PRDM15: variants seen among roughly 807,000 people sequenced by gnomAD.
PRDM15 encodes the protein PR/SET domain 15.
In PRDM15, 64 loss-of-function variants were observed where a neutral mutation model predicts 128.6. That is an observed-to-expected ratio of 0.50 (90% CI 0.41 to 0.61). The LOEUF (loss-of-function observed/expected upper bound fraction) is 0.61, where lower values mean the gene tolerates loss of function less well. Among genes scored for constraint, PRDM15 ranks in the 20% least tolerant of loss-of-function variants. PRDM15 has a pLI of 0.00. For synonymous variants in PRDM15, 615 were observed against 621.8 expected, an observed-to-expected ratio of 0.99 and a Z score of 0.16; for missense variants, 1,242 against 1,569.1, an observed-to-expected ratio of 0.79 and a Z score of 3.52.
At chr21:41,822,097 C>T in intron 14 of PRDM15, 60 bp from the exon 15 acceptor site, 1 of 1,606,530 alleles carries the variant, frequency 6.2e-7, no homozygotes. Flanking sequence ...ACTCAGTTAT[C>T]TACACCGCAG....
chr21:41,878,382 G>A (rs2064496831), intron 1 of PRDM15, among the ~76,000 whole-genome samples: 2 of 152,170 alleles, frequency 1.3e-5, no homozygotes, highest in Admixed American at 1.3e-4. Context: ...TACATTAGGG[G>A]GTTAAGAAAG....
At chr21:41,802,292 T>A (rs1239543696) in intron 23 of PRDM15, among the ~76,000 whole-genome samples, 2 of 152,098 alleles carry the variant, frequency 1.3e-5, no homozygotes, top group Non-Finnish European at 2.9e-5. Flanking sequence ...AAGGTTCCAC[T>A]CGAGAAAGTG....
At chr21:41,818,519 T>A (rs528078426) in intron 18 of PRDM15, among the ~76,000 whole-genome samples, 1 of 152,268 alleles carries the variant, frequency 6.6e-6, no homozygotes, top group East Asian at 1.9e-4. Flanking sequence ...GGCAAGAGCC[T>A]GTGCTGGCCT....
chr21:41,824,358 G>A (rs2062392354), intron 13 of PRDM15, among the ~76,000 whole-genome samples: 1 of 152,204 alleles, frequency 6.6e-6, no homozygotes, highest in Non-Finnish European at 1.5e-5. Flanking sequence ...GGAGAGGACA[G>A]AGTCTGCAGA....
At position 41,879,338 on chromosome 21, in the gene PRDM15, C is replaced by G. The variant is rs778869643; in HGVS notation, c.-78G>C. 9.1e-7 allele frequency: 1 copy of G among 1,099,840 alleles called. No individual in the cohort carries two copies. Among genetic ancestry groups the G allele is most frequent in the Non-Finnish European group, 1.1e-6 (1 of 894,352 alleles). The allele number at this position is 1,099,840 out of a possible 1,614,324, so 68.1% of individuals were successfully genotyped here. A position where few individuals can be genotyped will look rare whatever the true frequency, so the allele number is the denominator to read the frequency against. On this transcript the variant is annotated 5_prime_UTR_variant, in exon 1 of 24. Coordinates refer to ENST00000398548, the MANE Select transcript of PRDM15 (RefSeq NM_001040424.3). This position sits in a 1 kb window ranked among gnomAD's most constrained non-coding sequence, Gnocchi z 5.1. ...GTTGCGATCCGCTCCGGAAACTGCG[C>G]AGCACCGGAAGCCGGGGGGCGGCGG...
intron 2 of PRDM15, 48 bp downstream of exon 2, chr21:41,860,279 T>G: frequency 8.6e-6 from 13 of 1,507,092 alleles, no homozygotes; most frequent in Non-Finnish European, 1.2e-5. Flanking sequence ...CTGTGTTCTA[T>G]GACATAGGGC....
chr21:41,807,901 G>C (rs138294314), intron 21 of PRDM15, among the ~76,000 whole-genome samples: 2,077 of 152,268 alleles, frequency 0.014, 26 homozygotes, highest in Non-Finnish European at 0.024. Context: ...TGAGGGGAGT[G>C]GGGATGGGCA....
intron 4 of PRDM15, among the ~76,000 whole-genome samples, chr21:41,855,971 TTCCTTTCCTTCCCTCCCTCCCTCCCC>T (rs2063581451): frequency 4.2e-4 from 2 of 4,764 alleles, no homozygotes. Flanking sequence ...CCTCCCTTCC[TTCCTTTCCTTCCCTCCCTCCCTCCCC>T]TCCCTTCCTT....
chr21:41,831,917 A>G (rs17113948), intron 11 of PRDM15, among the ~76,000 whole-genome samples: 9,751 of 152,288 alleles, frequency 0.064, 385 homozygotes, highest in Middle Eastern at 0.12. Context: ...TGCTACGCTG[A>G]GTCCCAGCCT....
chr21:41,846,704 G>T (rs2063275998), intron 6 of PRDM15, among the ~76,000 whole-genome samples: 1 of 152,222 alleles, frequency 6.6e-6, no homozygotes, highest in African/African-American at 2.4e-5. Context: ...CTCAAAAAAA[G>T]AAAACAGTGT....
chr21:41,861,534 GCC>G, intron 1 of PRDM15: 1 of 1,475,118 alleles, frequency 6.8e-7, no homozygotes, highest in Non-Finnish European at 9.3e-7. Flanking sequence ...TTCCTCCTCT[GCC>G]CCCCCCCAAT....
intron 6 of PRDM15, among the ~76,000 whole-genome samples, chr21:41,842,853 C>T (rs938444722): frequency 4.0e-5 from 6 of 150,002 alleles, no homozygotes; most frequent in Admixed American, 1.3e-4. Flanking sequence ...GGTGCAATCT[C>T]GGCTCACTAC....
chr21:41,823,293 G>GGTGA, intron 14 of PRDM15, 25 bp downstream of exon 14: 1 of 1,604,970 alleles, frequency 6.2e-7, no homozygotes, highest in Non-Finnish European at 8.5e-7. Flanking sequence ...AGCATGCCTG[G>GGTGA]GTGAGGGCAG....
chr21:41,810,157 G>C lies in PRDM15; in HGVS notation c.2649C>G (p.Pro883=). 6.2e-7 allele frequency: 1 copy of C among 1,606,008 alleles called. No individual in the cohort carries two copies. The highest frequency in any genetic ancestry group is 1.1e-5 in the South Asian group (1 of 90,978). Residue 883 remains proline (P), a synonymous_variant, in exon 21 of 24, where the codon CCC becomes CCG. Transcript: ENST00000398548. The surrounding 1 kb of genome is among the most constrained non-coding windows in gnomAD (Gnocchi z 6.4). The part of the protein sequence containing the change: ...SMSRHMRRKH[P]EVLAVRIDDL... ...GGGGGCACAGCCACCAGCTCACCTCGGGGTGCTTGCGCCGCATGTGTCGGC... is the reference window on the plus strand; with the variant it reads ...GGGGGCACAGCCACCAGCTCACCTCCGGGTGCTTGCGCCGCATGTGTCGGC...
chr21:41,866,864 G>A (rs976665708), intron 1 of PRDM15, among the ~76,000 whole-genome samples: 2 of 152,118 alleles, frequency 1.3e-5, no homozygotes, highest in African/African-American at 4.8e-5. Context: ...AGATCCGGCT[G>A]GACCACCTGA....
chr21:41,878,790 C>A, intron 1 of PRDM15: 1 of 1,313,648 alleles, frequency 7.6e-7, no homozygotes, highest in Non-Finnish European at 9.8e-7. Context: ...TAACGACATC[C>A]CCTGGGGCCT....
At chr21:41,823,114 G>C (rs1046114110) in intron 14 of PRDM15, 7 of 649,514 alleles carry the variant, frequency 1.1e-5, no homozygotes, top group Non-Finnish European at 1.7e-5. Context: ...ACAGTGAGAA[G>C]GCGCCGTCTA....
intron 12 of PRDM15, among the ~76,000 whole-genome samples, chr21:41,827,237 GT>G (rs1433324524): frequency 6.6e-6 from 1 of 152,214 alleles, no homozygotes; most frequent in Non-Finnish European, 1.5e-5. Context: ...GAAGAAAAGA[GT>G]TGAGCAAAAA....
chr21:41,856,896 A>G (rs1330675201), intron 4 of PRDM15, among the ~76,000 whole-genome samples: 1 of 152,262 alleles, frequency 6.6e-6, no homozygotes, highest in African/African-American at 2.4e-5. Context: ...GGAGGTCGTA[A>G]GACAGCTGGA....
Sources: gnomAD v4.1 joint callset for allele counts (sites outside exome capture counted in the v4.1 genomes callset) on GRCh38, gnomAD v4.1.1 for gene constraint, Gnocchi (gnomAD v3.1) non-coding constraint, MANE v1.5 for transcripts, NCBI Gene and HGNC (gene_info 2026-07-23, HGNC 2026-07-21) for gene names.